Variants in CD48 observed in about 807,000 individuals in gnomAD.
CD48 encodes the protein CD48 antigen.
CD48 carries 20 observed loss-of-function variants against 22.0 expected under a neutral mutation model. The ratio of observed to expected loss-of-function variants is 0.91; its 90% CI spans 0.64 to 1.32. The LOEUF (loss-of-function observed/expected upper bound fraction) is 1.32, where lower values mean the gene tolerates loss of function less well. Ranked by LOEUF, CD48 falls within the 40% of genes most tolerant of loss-of-function variation. The probability of loss-of-function intolerance (pLI) is 0.00; values close to 1 mark genes in which losing one functional copy is unlikely to be tolerated. For missense variants in CD48, 307 were observed against 286.5 expected, an observed-to-expected ratio of 1.07 and a Z score of -0.52; for synonymous variants, 110 against 110.1, an observed-to-expected ratio of 1.00 and a Z score of 0.01.
chr1:160,684,481 A>T (rs1661916576), intron 2 of CD48: 3 of 372,938 alleles, frequency 8.0e-6, no homozygotes, highest in Non-Finnish European at 1.4e-5. Flanking sequence ...AAGTTGAAAA[A>T]TTCTCCTGAT....
At chr1:160,690,828 T>C (rs1034088737) in intron 1 of CD48, among the ~76,000 whole-genome samples, 1 of 152,180 alleles carries the variant, frequency 6.6e-6, no homozygotes, top group Non-Finnish European at 1.5e-5. Context: ...TGTGTCTGTA[T>C]AGAAAGAAGT....
At chr1:160,709,451 C>A (rs1314403363) in intron 1 of CD48, among the ~76,000 whole-genome samples, 2 of 152,196 alleles carry the variant, frequency 1.3e-5, no homozygotes, top group South Asian at 2.1e-4. Flanking sequence ...GCTCAGGAAG[C>A]TTTAATGACT....
chr1:160,682,645 A>C (rs1661853283), intron 2 of CD48, among the ~76,000 whole-genome samples: 1 of 151,602 alleles, frequency 6.6e-6, no homozygotes, highest in Non-Finnish European at 1.5e-5. Flanking sequence ...AAGGTAGTTA[A>C]CCCCCTTGCT....
intron 1 of CD48, among the ~76,000 whole-genome samples, chr1:160,708,857 C>A (rs1297456517): frequency 6.6e-6 from 1 of 152,106 alleles, no homozygotes; most frequent in Non-Finnish European, 1.5e-5. Context: ...GGAAGTGTGA[C>A]CTGCAAAGCT....
chr1:160,681,369 T>C lies in CD48; in HGVS notation c.485A>G (p.Asn162Ser). Residue 162 changes from asparagine to serine, a missense_variant, in exon 3 of 4, where the codon AAC becomes AGC. By Grantham distance (46) the Asn-to-Ser change is conservative (BLOSUM62 1). Transcript: ENST00000368046. Reference protein sequence around the residue: ...LSCVIPGESVNYTWYGDKRPF... With the variant: ...LSCVIPGESVSYTWYGDKRPF... ...CCTTTTGTCCCCATACCAGGTGTAG[T>C]TTACAGACTCGCCAGGTATCACACA... 2.5e-6 allele frequency: 4 copies of C among 1,614,178 alleles called. No individual in the cohort carries two copies. Among genetic ancestry groups the C allele is most frequent in the Non-Finnish European group, 3.4e-6 (4 of 1,180,024 alleles).
intron 1 of CD48, among the ~76,000 whole-genome samples, chr1:160,685,470 G>A (rs531317677): frequency 9.2e-5 from 14 of 152,270 alleles, no homozygotes; most frequent in African/African-American, 2.6e-4. Context: ...GTTGGGCCTG[G>A]CTCTCTCCCT....
intron 3 of CD48, chr1:160,680,895 A>C: frequency 7.1e-7 from 1 of 1,407,896 alleles, no homozygotes. Context: ...AGTCTACTCT[A>C]TGATGACCCT....
chr1:160,710,536 G>A (rs189564040), intron 1 of CD48, among the ~76,000 whole-genome samples: 1 of 152,300 alleles, frequency 6.6e-6, no homozygotes, highest in Admixed American at 6.5e-5. Context: ...TCAGAGAAAG[G>A]TCAACTGTCA....
intron 2 of CD48, among the ~76,000 whole-genome samples, chr1:160,682,965 G>A (rs909754794): frequency 6.6e-6 from 1 of 152,190 alleles, no homozygotes; most frequent in Non-Finnish European, 1.5e-5. Flanking sequence ...CCAGATCAGA[G>A]CTTGCCTCTT....
intron 1 of CD48, among the ~76,000 whole-genome samples, chr1:160,705,793 G>A (rs1482771780): frequency 1.3e-5 from 2 of 152,062 alleles, no homozygotes; most frequent in African/African-American, 2.4e-5. Context: ...ATTCTTTTTT[G>A]TAGGGGGCTG....
intron 1 of CD48, among the ~76,000 whole-genome samples, chr1:160,701,980 C>T (rs574834928): frequency 1.1e-4 from 17 of 152,180 alleles, no homozygotes; most frequent in Non-Finnish European, 2.2e-4. Flanking sequence ...GAGCCTATCC[C>T]AGGGCCACAT....
chr1:160,680,906 G>A (rs1193962579), intron 3 of CD48: 1 of 1,415,890 alleles, frequency 7.1e-7, no homozygotes, highest in African/African-American at 1.4e-5. Flanking sequence ...TGATGACCCT[G>A]GCCTCAGATG....
intron 1 of CD48, among the ~76,000 whole-genome samples, chr1:160,689,901 C>T (rs574539681): frequency 6.6e-6 from 1 of 152,224 alleles, no homozygotes; most frequent in South Asian, 2.1e-4. Context: ...CACTGACTTG[C>T]CTTCGTTTAT....
Position 160,678,991 on chromosome 1 carries a change from T to G in CD48, c.*61A>C. ...ACAGTCTCTGTCCTGGTGAGGAGCA[T>G]GATCACCAACAGGCAAGATCTTCTG... On this transcript the variant is annotated 3_prime_UTR_variant, in exon 4 of 4. Coordinates refer to ENST00000368046, the MANE Select transcript of CD48 (RefSeq NM_001778.4). 2 of 1,245,578 alleles carry G rather than the reference T, an allele frequency of 1.6e-6. No homozygotes were observed. The highest frequency in any genetic ancestry group is 2.4e-6 in the Non-Finnish European group (2 of 843,858). The allele number at this position is 1,245,578 out of a possible 1,614,324, so 77.2% of individuals were successfully genotyped here.
intron 1 of CD48, among the ~76,000 whole-genome samples, chr1:160,691,261 A>G (rs1406171784): frequency 6.6e-6 from 1 of 152,120 alleles, no homozygotes; most frequent in East Asian, 1.9e-4. Context: ...CTTGCAGTTG[A>G]GACAAGAGGA....
chr1:160,706,292 T>C (rs1024706262), intron 1 of CD48, among the ~76,000 whole-genome samples: 1 of 152,152 alleles, frequency 6.6e-6, no homozygotes, highest in Admixed American at 6.6e-5. Context: ...CAGGCTAGTC[T>C]CAAACTCCTG....
intron 1 of CD48, among the ~76,000 whole-genome samples, chr1:160,693,640 A>T (rs1213658462): frequency 1.3e-5 from 2 of 152,414 alleles, no homozygotes; most frequent in African/African-American, 4.8e-5. Context: ...TATGTCCAAG[A>T]TGTAAAAAAG....
chr1:160,698,369 A>T (rs554288), intron 1 of CD48, among the ~76,000 whole-genome samples: 1 of 152,056 alleles, frequency 6.6e-6, no homozygotes, highest in Non-Finnish European at 1.5e-5. Context: ...ATTAAAAGGC[A>T]TTTTAAATAG....
intron 1 of CD48, among the ~76,000 whole-genome samples, chr1:160,708,155 G>A (rs966024464): frequency 2.6e-5 from 4 of 152,174 alleles, no homozygotes; most frequent in Non-Finnish European, 5.9e-5. Flanking sequence ...ACGACTGGGG[G>A]TAGTGAATAT....
Sources: gnomAD v4.1 joint callset for allele counts (sites outside exome capture counted in the v4.1 genomes callset) on GRCh38, gnomAD v4.1.1 for gene constraint, MANE v1.5 for transcripts, NCBI Gene and HGNC (gene_info 2026-07-23, HGNC 2026-07-21) for gene names.